ZPLD1: variants seen among roughly 807,000 people sequenced by gnomAD.
ZPLD1 encodes zona pellucida like domain containing 1.
In ZPLD1, 34 loss-of-function variants were observed where a neutral mutation model predicts 47.2. The ratio of observed to expected loss-of-function variants is 0.72; its 90% CI spans 0.55 to 0.96. The LOEUF (loss-of-function observed/expected upper bound fraction) is 0.96, where lower values mean the gene tolerates loss of function less well. Ranked by LOEUF, ZPLD1 falls within the 40% of genes least tolerant of loss-of-function variation. The probability of loss-of-function intolerance (pLI) is 0.00; values close to 1 mark genes in which losing one functional copy is unlikely to be tolerated. For missense variants in ZPLD1, 512 were observed against 505.8 expected (o/e 1.01, Z -0.12); for synonymous variants, 176 against 186.2 (o/e 0.95, Z 0.45).
At chr3:102,439,391 G>C (rs939012502) in intron 3 of ZPLD1, among the ~76,000 whole-genome samples, 1 of 152,142 alleles carries the variant, frequency 6.6e-6, no homozygotes, top group East Asian at 1.9e-4. Flanking sequence ...GATAAAGTGC[G>C]ATTTCTACAA....
chr3:102,442,007 G>A (rs1308647945), intron 3 of ZPLD1, among the ~76,000 whole-genome samples: 2 of 152,144 alleles, frequency 1.3e-5, no homozygotes, highest in Admixed American at 6.5e-5. Context: ...CTCCCTTGAT[G>A]TTTACATTTC....
At chr3:102,457,245 T>A (rs1056683485) in intron 5 of ZPLD1, among the ~76,000 whole-genome samples, 1 of 152,140 alleles carries the variant, frequency 6.6e-6, no homozygotes, top group Non-Finnish European at 1.5e-5. Flanking sequence ...GACTTTGACA[T>A]GGAAAATGAG....
chr3:102,445,547 T>C (rs1201736512), intron 3 of ZPLD1, among the ~76,000 whole-genome samples: 1 of 152,232 alleles, frequency 6.6e-6, no homozygotes, highest in African/African-American at 2.4e-5. Flanking sequence ...AGTTGTAACA[T>C]CAGCATCACC....
At chr3:102,436,812 C>G (rs1707097981) in intron 1 of ZPLD1, 48 bp from the exon 2 acceptor site, 1 of 865,866 alleles carries the variant, frequency 1.2e-6, no homozygotes, top group Admixed American at 6.2e-5. Context: ...CATTTCAGAA[C>G]CACAAAATAA....
chr3:102,444,571 A>G (rs1159671601), intron 3 of ZPLD1, among the ~76,000 whole-genome samples: 1 of 152,240 alleles, frequency 6.6e-6, no homozygotes, highest in African/African-American at 2.4e-5. Context: ...GGCAATTTGT[A>G]AGCCCATGTA....
At chr3:102,459,089 C>CACA (rs1707466517) in intron 6 of ZPLD1, among the ~76,000 whole-genome samples, 1 of 25,840 alleles carries the variant, frequency 3.9e-5, no homozygotes, top group African/African-American at 1.1e-4. Flanking sequence ...GACTCCGTCT[C>CACA]AAAAAAAAAA....
In ZPLD1 at chr3:102,397,358, G is replaced by A. The variant is rs559921513; in HGVS notation, c.-157+5133G>A. ...CTTTCCTCCTACTGCTTCAGTTAAC[G>A]TAATATTTTTGGAATATCTTAATTG... On this transcript the variant is annotated intron_variant, in intron 7 of 17. Transcript: ENST00000491959. 2.7e-5 allele frequency among the ~76,000 whole-genome samples: 4 copies of A among 150,694 alleles called. No homozygotes were observed. In the South Asian group the frequency reaches 6.3e-4, roughly 24 times the overall value.
At chr3:102,458,110 T>C (rs1471056964) in intron 6 of ZPLD1, among the ~76,000 whole-genome samples, 1 of 152,206 alleles carries the variant, frequency 6.6e-6, no homozygotes, top group Non-Finnish European at 1.5e-5. Context: ...ACTTCAAATG[T>C]CTACCTACAT....
chr3:102,392,545 TCCCTTCCTTCC>T (rs1282770486), intron 7 of ZPLD1, among the ~76,000 whole-genome samples: 2 of 135,290 alleles, frequency 1.5e-5, no homozygotes, highest in African/African-American at 3.2e-5. Flanking sequence ...CCTCCCTCCC[TCCCTTCCTTCC>T]TCCTTCCTCC....
At chr3:102,433,134 C>T (rs1707037067), upstream of ZPLD1, among the ~76,000 whole-genome samples, 1 of 152,158 alleles carries the variant, frequency 6.6e-6, no homozygotes, top group East Asian at 1.9e-4. Context: ...TGGAGAGTAC[C>T]AGACACATAT....
At chr3:102,449,344 G>C (rs1299209387) in intron 3 of ZPLD1, among the ~76,000 whole-genome samples, 2 of 152,212 alleles carry the variant, frequency 1.3e-5, no homozygotes, top group Non-Finnish European at 2.9e-5. Flanking sequence ...ACGCTAATGT[G>C]TCTGTCTCCT....
chr3:102,399,687 T>C (rs939153921), intron 7 of ZPLD1, among the ~76,000 whole-genome samples: 1 of 152,112 alleles, frequency 6.6e-6, no homozygotes, highest in Non-Finnish European at 1.5e-5. Flanking sequence ...GAAACGATCA[T>C]GTATACACAT....
Position 102,453,011 on chromosome 3 carries a change from G to T in ZPLD1, c.199G>T (p.Asp67Tyr). The T allele has an allele frequency of 1.2e-6, 2 of 1,614,158 alleles. No homozygotes were observed. The highest frequency in any genetic ancestry group is 1.7e-6 in the Non-Finnish European group (2 of 1,180,002). The change falls in exon 4 of 12, where the codon GAT (aspartate) becomes TAT (tyrosine). Residue 67 changes from aspartate to tyrosine, a missense_variant. Asp to Tyr is a radical substitution (Grantham distance 160). Coordinates refer to ENST00000466937, the MANE Select transcript of ZPLD1 (RefSeq NM_001329788.2). ...TVLFSGYSETDLALNGRHGDS... is the reference protein window; with the variant it reads ...TVLFSGYSETYLALNGRHGDS... ...ACTTTTCTCGGGTTATTCGGAAACA[G>T]ATCTGGCACTGAATGGAAGGCATGG... is the stretch of plus-strand genomic sequence containing the variant.
intron 4 of ZPLD1, among the ~76,000 whole-genome samples, chr3:102,454,979 A>G (rs1254170114): frequency 6.6e-6 from 1 of 152,154 alleles, no homozygotes; most frequent in East Asian, 1.9e-4. Context: ...CTTATCTTTC[A>G]TTTTTGCCTT....
rs544942248 is a variant in ZPLD1 at position 102,429,759 on chromosome 3, C to T, written c.-8-8721C>T. ...GACTCAGTATCCACCACCACCACAACAGATAGATGGATGGATAGATAGATA... is the reference window on the plus strand; with the variant it reads ...GACTCAGTATCCACCACCACCACAATAGATAGATGGATGGATAGATAGATA... On this transcript the variant is annotated intron_variant, in intron 8 of 17. Transcript: ENST00000491959. Among the ~76,000 whole-genome samples the T allele has an allele frequency of 2.9e-4, 44 of 152,164 alleles. 1 individual carries two copies. Among genetic ancestry groups the T allele is most frequent in the African/African-American group, 1.0e-3 (43 of 41,510 alleles).
intron 7 of ZPLD1, 140 bp from the exon 8 acceptor site, chr3:102,464,031 C>T (rs1707551628): frequency 2.1e-5 from 13 of 617,894 alleles, no homozygotes; most frequent in South Asian, 1.8e-4. Context: ...GTCTGGGCAA[C>T]GGAACAAGAC....
At chr3:102,442,407 A>G (rs2107324309) in intron 3 of ZPLD1, among the ~76,000 whole-genome samples, 1 of 152,094 alleles carries the variant, frequency 6.6e-6, no homozygotes, top group South Asian at 2.1e-4. Flanking sequence ...CTAAATTTGT[A>G]TTTTAATAAC....
At chr3:102,464,380 G>A (rs1707559335) in intron 8 of ZPLD1, 129 bp downstream of exon 8, 3 of 610,636 alleles carry the variant, frequency 4.9e-6, no homozygotes, top group Admixed American at 3.3e-5. Context: ...TTTACATTTT[G>A]AACTTTGAGT....
intron 8 of ZPLD1, among the ~76,000 whole-genome samples, chr3:102,466,951 T>C (rs1707604106): frequency 6.6e-6 from 1 of 151,868 alleles, no homozygotes; most frequent in African/African-American, 2.4e-5. Flanking sequence ...TAAAAAAAAA[T>C]CTTACATTGA....
Sources: allele counts gnomAD v4.1 joint callset (sites outside exome capture counted in the v4.1 genomes callset), GRCh38; gene constraint gnomAD v4.1.1; transcripts MANE v1.5; gene names NCBI Gene and HGNC (gene_info 2026-07-23, HGNC 2026-07-21).